The following NACC2 variants were observed in gnomAD, a reference collection of about 807,000 sequenced individuals.
The protein encoded by NACC2 is nucleus accumbens-associated protein 2.
Under a neutral mutation model 25.1 loss-of-function variants are expected in NACC2, and 8 were observed. That is an observed-to-expected ratio of 0.32 (90% CI 0.19 to 0.57). The LOEUF (loss-of-function observed/expected upper bound fraction) is 0.57, where lower values mean the gene tolerates loss of function less well. Among genes scored for constraint, NACC2 ranks in the 20% least tolerant of loss-of-function variants. The pLI, the probability that NACC2 is intolerant of heterozygous loss-of-function variation, is 0.89. For missense variants in NACC2, 644 were observed against 650.2 expected (o/e 0.99, Z 0.10); for synonymous variants, 435 against 294.7 (o/e 1.48, Z -4.88).
Position 136,022,877 on chromosome 9 carries a change from G to A in NACC2, c.887-6448C>T, listed in dbSNP as rs1391985096. On this transcript the variant is annotated intron_variant, in intron 2 of 5. Coordinates refer to ENST00000277554, the MANE Select transcript of NACC2 (RefSeq NM_144653.5). The surrounding 1 kb of genome is among the most constrained non-coding windows in gnomAD (Gnocchi z 4.4). ...ATCATGCCACGCCATAACTGGGAAGGCAAACCATCACCAATTACCACGCCA... is the reference window on the plus strand; with the variant it reads ...ATCATGCCACGCCATAACTGGGAAGACAAACCATCACCAATTACCACGCCA... Among the ~76,000 whole-genome samples, 1 of 150,034 alleles carries A rather than the reference G, an allele frequency of 6.7e-6. No individual in the cohort carries two copies. Among genetic ancestry groups the A allele is most frequent in the African/African-American group, 2.5e-5 (1 of 40,416 alleles).
chr9:136,087,123 C>G (rs985995186), intron 1 of NACC2, among the ~76,000 whole-genome samples: 3 of 152,184 alleles, frequency 2.0e-5, no homozygotes, highest in Admixed American at 1.3e-4. Flanking sequence ...GGCCCATGAT[C>G]CCACATGCCA....
Position 136,050,522 on chromosome 9 carries a change from G to A in NACC2, c.-1C>T. The A allele has an allele frequency of 1.3e-6, 1 of 761,420 alleles. No homozygotes were observed. The highest frequency in any genetic ancestry group is 2.4e-6 in the Non-Finnish European group (1 of 416,728). The allele number at this position is 761,420 out of a possible 1,614,324, so 47.2% of individuals were successfully genotyped here. Reference sequence around the variant, plus strand: ...TCTCGATGTGCAGCATCTGAGACATGGCGGGCGGGCAGCGGCGGGGCTGGG... The same window carrying A: ...TCTCGATGTGCAGCATCTGAGACATAGCGGGCGGGCAGCGGCGGGGCTGGG... On this transcript the variant is annotated 5_prime_UTR_variant, in exon 2 of 6. Coordinates refer to ENST00000277554, the MANE Select transcript of NACC2 (RefSeq NM_144653.5).
intron 2 of NACC2, among the ~76,000 whole-genome samples, chr9:136,041,058 GGAAA>G (rs1441811901): frequency 9.3e-5 from 13 of 139,308 alleles, no homozygotes; most frequent in South Asian, 4.4e-4. Flanking sequence ...AAGGAAGGAA[GGAAA>G]GGAAGGAAGG....
rs1192295466 is a variant in NACC2, at chr9:136,016,375, C to T, written c.941G>A (p.Arg314His). Residue 314 changes from arginine (R) to histidine (H), a missense_variant, in exon 3 of 6, where the codon CGC (arginine) becomes CAC (histidine). Transcript: ENST00000277554. ...GGCAGGTAGGGCCACGAGGTCGCGG[C>T]GGATGAGGACGCAGGAGCGGCTCTC... ...PLESRSCVLI[R>H]RDLVALPASL... 1 of 1,611,574 alleles carries T rather than the reference C, an allele frequency of 6.2e-7. No homozygotes were observed.
At chr9:136,070,453 G>T (rs1841136307) in intron 1 of NACC2, among the ~76,000 whole-genome samples, 1 of 151,926 alleles carries the variant, frequency 6.6e-6, no homozygotes, top group African/African-American at 2.4e-5. Context: ...GTTGCAGTGA[G>T]CCGAGATCGC....
intron 5 of NACC2, among the ~76,000 whole-genome samples, chr9:136,012,832 G>A (rs568462120): frequency 1.3e-5 from 2 of 152,186 alleles, no homozygotes; most frequent in East Asian, 1.9e-4. Context: ...ACCGGGCTCC[G>A]CCCCCACACG....
chr9:136,066,130 T>C (rs1588577686), intron 1 of NACC2, among the ~76,000 whole-genome samples: 1 of 149,672 alleles, frequency 6.7e-6, no homozygotes, highest in Admixed American at 6.7e-5. Context: ...GAGGCAGAGG[T>C]TGCAATGAGC....
intron 2 of NACC2, among the ~76,000 whole-genome samples, chr9:136,044,618 C>T (rs1285858177): frequency 6.6e-6 from 1 of 152,222 alleles, no homozygotes; most frequent in Non-Finnish European, 1.5e-5. Context: ...CCGTCCCAGG[C>T]CACAAGGCAG....
intron 2 of NACC2, among the ~76,000 whole-genome samples, chr9:136,049,175 G>A (rs1033817147): frequency 1.3e-5 from 2 of 152,332 alleles, no homozygotes; most frequent in Middle Eastern, 3.4e-3. Flanking sequence ...TCAGCACACT[G>A]GGCGCTTCCT....
chr9:136,036,656 A>G (rs1488973962), intron 2 of NACC2, among the ~76,000 whole-genome samples: 1 of 152,212 alleles, frequency 6.6e-6, no homozygotes, highest in Non-Finnish European at 1.5e-5. Flanking sequence ...AGTATAAAAA[A>G]GAACAAAACA....
At chr9:136,033,193 A>G (rs1840498466) in intron 2 of NACC2, among the ~76,000 whole-genome samples, 1 of 152,018 alleles carries the variant, frequency 6.6e-6, no homozygotes. Flanking sequence ...AAATAAAATA[A>G]AATAAAATAA....
chr9:136,015,211 G>A (rs1391997166), intron 3 of NACC2, among the ~76,000 whole-genome samples: 3 of 152,206 alleles, frequency 2.0e-5, no homozygotes, highest in African/African-American at 7.2e-5. Context: ...GGATGACCGA[G>A]AGCATCTTCC....
intron 1 of NACC2, among the ~76,000 whole-genome samples, chr9:136,082,989 G>A (rs1395436785): frequency 6.6e-6 from 1 of 151,760 alleles, no homozygotes; most frequent in East Asian, 1.9e-4. Flanking sequence ...GTGTTTTACG[G>A]CTGTCATAAC....
chr9:136,021,642 G>T (rs1003850881), intron 2 of NACC2, among the ~76,000 whole-genome samples: 1 of 152,228 alleles, frequency 6.6e-6, no homozygotes, highest in Admixed American at 6.5e-5. Context: ...TCCAAAGACA[G>T]CCTGCACAGG....
chr9:136,065,970 G>C (rs1001424288), intron 1 of NACC2, among the ~76,000 whole-genome samples: 7 of 152,116 alleles, frequency 4.6e-5, no homozygotes, highest in African/African-American at 1.4e-4. Context: ...AAGGCAGGTG[G>C]ATAACCTGAG....
At position 136,086,418 on chromosome 9, in the gene NACC2, G is replaced by A. The variant is rs867973255; in HGVS notation, c.-60+8771C>T. Among the ~76,000 whole-genome samples, 141 of 152,272 alleles carry A rather than the reference G, an allele frequency of 9.3e-4. No homozygotes were observed. The highest frequency in any genetic ancestry group is 3.2e-3 in the African/African-American group (134 of 41,562). On this transcript the variant is annotated intron_variant, in intron 1 of 5. Transcript: ENST00000277554. The surrounding 1 kb of genome is among the most constrained non-coding windows in gnomAD (Gnocchi z 5.6). ...GGCAGCTGCTGGTCTGGATGGCACC[G>A]GGCCTGGCTCTTGAGGTCCCAGGTC...
At chr9:136,080,636 AC>A (rs1830312575) in intron 1 of NACC2, among the ~76,000 whole-genome samples, 1 of 151,654 alleles carries the variant, frequency 6.6e-6, no homozygotes, top group Non-Finnish European at 1.5e-5. Context: ...CACCCCACAG[AC>A]CGCACAGAAT....
rs1554737966 is a variant in NACC2, at chr9:136,033,940, TGA to T, written c.886+15694_886+15695del. On this transcript the variant is annotated intron_variant, in intron 2 of 5. Transcript: ENST00000277554. ...GTGTGTGTGTGTGTGTGTGTGTGTGTGAGATATTTGGCAATCTACTTCTGAAA... is the reference window on the plus strand; with the variant it reads ...GTGTGTGTGTGTGTGTGTGTGTGTGTGATATTTGGCAATCTACTTCTGAAA... 4.1e-3 allele frequency among the ~76,000 whole-genome samples: 599 copies of T among 144,764 alleles called. 1 individual carries two copies. The highest frequency in any genetic ancestry group is 6.5e-3 in the Non-Finnish European group (433 of 66,282). 95.0% of individuals were successfully genotyped at this position (144,764 alleles called of 152,430 possible). A position where few individuals can be genotyped will look rare whatever the true frequency, so the allele number is the denominator to read the frequency against.
At chr9:136,059,517 G>C (rs899546705) in intron 1 of NACC2, among the ~76,000 whole-genome samples, 2 of 152,254 alleles carry the variant, frequency 1.3e-5, no homozygotes, top group African/African-American at 4.8e-5. Context: ...CTCCTTGGGT[G>C]TGTGGTCCAC....
Sources: gnomAD v4.1 joint callset for allele counts (sites outside exome capture counted in the v4.1 genomes callset) on GRCh38, gnomAD v4.1.1 for gene constraint, Gnocchi (gnomAD v3.1) non-coding constraint, MANE v1.5 for transcripts, NCBI Gene and HGNC (gene_info 2026-07-23, HGNC 2026-07-21) for gene names.